The following WAC variants were observed in gnomAD, a reference collection of about 807,000 sequenced individuals.
WAC encodes the protein WW domain-containing adapter protein with coiled-coil.
WAC carries 11 observed loss-of-function variants against 79.6 expected under a neutral mutation model. That is an observed-to-expected ratio of 0.14 (90% CI 0.09 to 0.23). The LOEUF (loss-of-function observed/expected upper bound fraction) is 0.23, where lower values mean the gene tolerates loss of function less well. WAC is among the 10% of genes least tolerant of loss of function. The probability of loss-of-function intolerance (pLI) is 1.00; values close to 1 mark genes in which losing one functional copy is unlikely to be tolerated. For missense variants in WAC, 728 were observed against 773.5 expected, an observed-to-expected ratio of 0.94 and a Z score of 0.70; for synonymous variants, 304 against 276.9, an observed-to-expected ratio of 1.10 and a Z score of -0.97.
At chr10:28,558,245 T>C (rs1838107362) in intron 3 of WAC, among the ~76,000 whole-genome samples, 1 of 152,198 alleles carries the variant, frequency 6.6e-6, no homozygotes, top group Non-Finnish European at 1.5e-5. Context: ...TGCCACTTTG[T>C]TCTCTAGTGT....
intron 6 of WAC, among the ~76,000 whole-genome samples, chr10:28,592,916 C>A (rs967121604): frequency 1.3e-5 from 2 of 152,086 alleles, no homozygotes; most frequent in Non-Finnish European, 2.9e-5. Context: ...GTTTATAATT[C>A]TGCAGTTGTT....
chr10:28,572,730 G>GA (rs1423626967), intron 3 of WAC, among the ~76,000 whole-genome samples: 4 of 152,144 alleles, frequency 2.6e-5, no homozygotes, highest in Admixed American at 1.3e-4. Context: ...AGAATTGCTT[G>GA]AACCCGGGAG....
intron 11 of WAC, 28 bp downstream of exon 11, chr10:28,614,713 C>T (rs769072181): frequency 2.6e-6 from 4 of 1,529,708 alleles, no homozygotes; most frequent in Non-Finnish European, 3.6e-6. Flanking sequence ...ATTGAGACCA[C>T]ATTGTTTTAT....
chr10:28,534,167 C>A, intron 2 of WAC, 133 bp downstream of exon 2: 2 of 881,026 alleles, frequency 2.3e-6, no homozygotes, highest in Non-Finnish European at 3.3e-6. Flanking sequence ...CACCGCGGAT[C>A]CCCTTAAAAT....
At chr10:28,595,677 T>A (rs1164967819) in intron 6 of WAC, 56 bp from the exon 7 acceptor site, 27 of 1,528,784 alleles carry the variant, frequency 1.8e-5, no homozygotes, top group Non-Finnish European at 6.2e-6. Context: ...AATGTAATCT[T>A]TTTTCTTCCC....
At chr10:28,614,368 C>T (rs555507686) in intron 10 of WAC, among the ~76,000 whole-genome samples, 199 bp from the exon 11 acceptor site, 2 of 152,346 alleles carry the variant, frequency 1.3e-5, no homozygotes, top group South Asian at 4.1e-4. Context: ...GCTGGGATTA[C>T]AGGCGTGAGC....
chr10:28,548,540 A>G (rs978392835), intron 3 of WAC, among the ~76,000 whole-genome samples: 2 of 151,952 alleles, frequency 1.3e-5, no homozygotes, highest in South Asian at 2.1e-4. Flanking sequence ...TCCAAGTTTT[A>G]TTTTGGGTGC....
chr10:28,542,332 C>T (rs1387231440), intron 3 of WAC, among the ~76,000 whole-genome samples: 1 of 152,174 alleles, frequency 6.6e-6, no homozygotes, highest in Non-Finnish European at 1.5e-5. Flanking sequence ...TATAGTCATT[C>T]TGCTATAACA....
chr10:28,574,905 T>C (rs2132572865), intron 3 of WAC, among the ~76,000 whole-genome samples: 1 of 152,328 alleles, frequency 6.6e-6, no homozygotes, highest in South Asian at 2.1e-4. Context: ...TTTGCCAGTA[T>C]AGTGCCAGTA....
chr10:28,611,273 G>T, intron 9 of WAC: 1 of 1,292,566 alleles, frequency 7.7e-7, no homozygotes, highest in Non-Finnish European at 1.0e-6. Context: ...CTTCATGAAG[G>T]TATCCAAATG....
At chr10:28,619,508 AG>A (rs1225259539) in intron 13 of WAC, 28 bp from the exon 14 acceptor site, 4 of 1,515,052 alleles carry the variant, frequency 2.6e-6, no homozygotes, top group Non-Finnish European at 3.6e-6. Context: ...ATATGTACAC[AG>A]GTTCTAATGT....
rs1482270266 is a variant in WAC, at chr10:28,620,500, G to A, written c.*894G>A. On this transcript the variant is annotated 3_prime_UTR_variant, in exon 14 of 14. Coordinates refer to ENST00000354911, the MANE Select transcript of WAC (RefSeq NM_016628.5). ...AAAGAGGAAACAGAGCTAGTCAGAT[G>A]TGAATTGTATCTGTTGTAATAAACA... 1 of 152,630 alleles carries A rather than the reference G, an allele frequency of 6.6e-6. No homozygotes were observed. The highest frequency in any genetic ancestry group is 1.5e-5 in the Non-Finnish European group (1 of 68,030). The allele number at this position is 152,630 out of a possible 1,614,324, so 9.5% of individuals were successfully genotyped here. A position where few individuals can be genotyped will look rare whatever the true frequency, so the allele number is the denominator to read the frequency against.
At chr10:28,537,649 C>G (rs1312841960) in intron 3 of WAC, 2 of 152,146 alleles carry the variant, frequency 1.3e-5, no homozygotes, top group African/African-American at 4.8e-5. Flanking sequence ...CTACTGTGTG[C>G]CAACATTTGT....
intron 8 of WAC, among the ~76,000 whole-genome samples, chr10:28,609,637 C>T (rs187451045): frequency 6.6e-6 from 1 of 152,254 alleles, no homozygotes; most frequent in East Asian, 1.9e-4. Flanking sequence ...GCCTGTAATT[C>T]CAGCACTTGC....
rs991158445 is a variant in WAC, at chr10:28,533,957, C to T, written c.42-41C>T. On this transcript the variant is annotated intron_variant, in intron 1 of 13. Transcript: ENST00000354911. The stretch of plus-strand genomic sequence containing the variant: ...TTCTTCCTCCCCGGCCCCCCACCCG[C>T]GCCGTGTCTTATGTCGCTGCCTTCT... 5 of 1,603,430 alleles carry T rather than the reference C, an allele frequency of 3.1e-6. No individual in the cohort carries two copies. The African/African-American group carries it at 5.5e-5, about 18-fold the overall frequency.
chr10:28,583,339 TTTAGA>T (rs1451519295), intron 3 of WAC, 55 bp from the exon 4 acceptor site: 218 of 1,268,306 alleles, frequency 1.7e-4, no homozygotes, highest in Non-Finnish European at 1.6e-4. Flanking sequence ...TAGAAAACAG[TTTAGA>T]TTAAACATGA....
intron 3 of WAC, among the ~76,000 whole-genome samples, chr10:28,552,570 G>C (rs1260657294): frequency 6.6e-6 from 1 of 152,150 alleles, no homozygotes; most frequent in East Asian, 1.9e-4. Flanking sequence ...ATCATGTTAA[G>C]GAATTACACC....
intron 2 of WAC, among the ~76,000 whole-genome samples, chr10:28,534,607 C>T (rs918424464): frequency 2.6e-5 from 4 of 152,120 alleles, no homozygotes; most frequent in Admixed American, 2.0e-4. Flanking sequence ...GTAGGTGGTT[C>T]TAGGTAGGTG....
chr10:28,551,107 GA>G (rs1330354466), intron 3 of WAC, among the ~76,000 whole-genome samples: 3 of 152,060 alleles, frequency 2.0e-5, no homozygotes, highest in Non-Finnish European at 2.9e-5. Flanking sequence ...TAATAGGGGG[GA>G]TATTTTGGGG....
Sources: gnomAD v4.1 joint callset for allele counts (sites outside exome capture counted in the v4.1 genomes callset) on GRCh38, gnomAD v4.1.1 for gene constraint, MANE v1.5 for transcripts, NCBI Gene and HGNC (gene_info 2026-07-23, HGNC 2026-07-21) for gene names.